NCOA3: variants seen among roughly 807,000 people sequenced by gnomAD.
The protein encoded by NCOA3 is nuclear receptor coactivator 3, also known as CBP-interacting protein.
Under a neutral mutation model 158.8 loss-of-function variants are expected in NCOA3, and 51 were observed. The ratio of observed to expected loss-of-function variants is 0.32; its 90% CI spans 0.26 to 0.41. The LOEUF is 0.41. NCOA3 is among the 10% of genes least tolerant of loss of function. The pLI is 1.00. For synonymous variants in NCOA3, 537 were observed against 592.4 expected, an observed-to-expected ratio of 0.91 and a Z score of 1.36; for missense variants, 1,510 against 1,746.6, an observed-to-expected ratio of 0.86 and a Z score of 2.41.
chr20:47,626,961 A>G (rs760577329), intron 5 of NCOA3, 41 bp from the exon 6 acceptor site: 9 of 1,525,810 alleles, frequency 5.9e-6, no homozygotes, highest in African/African-American at 5.5e-5. Flanking sequence ...GGAGGATACA[A>G]TTCAGTCCAT....
intron 1 of NCOA3, among the ~76,000 whole-genome samples, chr20:47,511,159 A>G (rs2084116917): frequency 6.6e-6 from 1 of 151,992 alleles, no homozygotes; most frequent in Non-Finnish European, 1.5e-5. Context: ...GATTGTAGAG[A>G]AGTTCAGAGG....
intron 1 of NCOA3, among the ~76,000 whole-genome samples, chr20:47,525,848 TGCCCCTCACTTCCCGGATGGGG>T (rs2146094101): frequency 4.4e-5 from 2 of 44,982 alleles, no homozygotes; most frequent in South Asian, 8.2e-4. Context: ...CGGGCAGAGG[TGCCCCTCACTTCCCGGATGGGG>T]CGGCTGGCCG....
chr20:47,563,507 T>TA (rs1339235092), intron 1 of NCOA3, among the ~76,000 whole-genome samples: 1 of 152,154 alleles, frequency 6.6e-6, no homozygotes, highest in Non-Finnish European at 1.5e-5. Context: ...GTACAGTAAT[T>TA]AAACCATGCC....
Position 47,653,992 on chromosome 20 carries a change from CATTTGCCATTCATGTCCTGTA to C in NCOA3, c.*578_*598del, listed in dbSNP as rs2086836579. On this transcript the variant is annotated 3_prime_UTR_variant, in exon 23 of 23. Coordinates refer to ENST00000371998, the MANE Select transcript of NCOA3 (RefSeq NM_181659.3). ...TAGGCTTTCTCCTAATGAAGGTTTT[CATTTGCCATTCATGTCCTGTA>C]ATACTTCACCTCCAGGAACTGTCAT... is the stretch of plus-strand genomic sequence containing the variant. 1 of 152,522 alleles carries C rather than the reference CATTTGCCATTCATGTCCTGTA, an allele frequency of 6.6e-6. No individual in the cohort carries two copies. Among genetic ancestry groups the C allele is most frequent in the Admixed American group, 6.5e-5 (1 of 15,286 alleles). The allele number at this position is 152,522 out of a possible 1,614,324, so 9.4% of individuals were successfully genotyped here.
chr20:47,647,936 G>T (rs1160289697), intron 18 of NCOA3, among the ~76,000 whole-genome samples: 3 of 143,460 alleles, frequency 2.1e-5, no homozygotes, highest in South Asian at 2.2e-4. Flanking sequence ...TTTTTTTGAG[G>T]TGGAGTCTTG....
chr20:47,618,142 C>T (rs1042793187), intron 2 of NCOA3, among the ~76,000 whole-genome samples: 4 of 152,138 alleles, frequency 2.6e-5, no homozygotes, highest in Non-Finnish European at 4.4e-5. Flanking sequence ...GAGGCTGAGA[C>T]GAGAATCATT....
At chr20:47,561,610 C>T (rs1302237125) in intron 1 of NCOA3, among the ~76,000 whole-genome samples, 3 of 151,978 alleles carry the variant, frequency 2.0e-5, no homozygotes, top group Admixed American at 6.6e-5. Context: ...TGAGCCACTG[C>T]ACCTCGCTTA....
At chr20:47,641,849 G>A (rs996280183) in intron 16 of NCOA3, among the ~76,000 whole-genome samples, 2 of 152,036 alleles carry the variant, frequency 1.3e-5, no homozygotes, top group African/African-American at 4.8e-5. Context: ...TAATTTTCAA[G>A]TATTATAATT....
intron 2 of NCOA3, among the ~76,000 whole-genome samples, chr20:47,611,018 T>C (rs2086033765): frequency 1.3e-5 from 2 of 152,234 alleles, no homozygotes; most frequent in Admixed American, 1.3e-4. Context: ...CATTGTTTAC[T>C]TAGTGTACCA....
intron 2 of NCOA3, among the ~76,000 whole-genome samples, chr20:47,588,891 C>CT (rs1293483931): frequency 2.0e-5 from 3 of 151,898 alleles, no homozygotes; most frequent in East Asian, 1.9e-4. Flanking sequence ...TAAAATACAA[C>CT]TTTTTTTTCT....
chr20:47,650,930 A>G (rs1264519441), intron 19 of NCOA3, 52 bp from the exon 20 acceptor site: 14 of 1,542,628 alleles, frequency 9.1e-6, no homozygotes, highest in East Asian at 2.3e-5. Context: ...TATGTATGCA[A>G]CTGGCAGGTT....
At chr20:47,601,184 G>A (rs1041437386) in intron 2 of NCOA3, among the ~76,000 whole-genome samples, 7 of 152,198 alleles carry the variant, frequency 4.6e-5, no homozygotes, top group African/African-American at 1.7e-4. Context: ...GGGGAAGCAG[G>A]CATGTGCAAA....
intron 1 of NCOA3, among the ~76,000 whole-genome samples, chr20:47,524,647 G>A (rs946271111): frequency 6.6e-6 from 1 of 152,190 alleles, no homozygotes; most frequent in African/African-American, 2.4e-5. Flanking sequence ...AAGCTCCCTG[G>A]TACAGAGACA....
chr20:47,643,468 A>G (rs1013202802), intron 17 of NCOA3, among the ~76,000 whole-genome samples: 3 of 152,240 alleles, frequency 2.0e-5, no homozygotes, highest in African/African-American at 7.2e-5. Flanking sequence ...CTCCAACAGA[A>G]GTATAGAAGT....
intron 14 of NCOA3, 93 bp downstream of exon 14, chr20:47,639,295 C>A: frequency 9.0e-7 from 1 of 1,115,000 alleles, no homozygotes; most frequent in South Asian, 1.6e-5. Flanking sequence ...TAAATAATAA[C>A]TTTTTGAATA....
chr20:47,609,723 C>T (rs556690345), intron 2 of NCOA3, among the ~76,000 whole-genome samples: 44 of 147,100 alleles, frequency 3.0e-4, no homozygotes, highest in East Asian at 2.0e-4. Flanking sequence ...GGCGAGACTC[C>T]GTCTCAAAAA....
chr20:47,623,817 T>TA, intron 3 of NCOA3, 94 bp from the exon 4 acceptor site: 1 of 1,143,134 alleles, frequency 8.7e-7, no homozygotes, highest in Non-Finnish European at 1.2e-6. Flanking sequence ...AGTAATCATG[T>TA]AATAGTGTTG....
In NCOA3 at chr20:47,651,144, C is replaced by T. The variant is rs757910421; in HGVS notation, c.3814C>T (p.Gln1272Ter). The T allele has an allele frequency of 1.9e-6, 3 of 1,613,922 alleles. No homozygotes were observed. The highest frequency in any genetic ancestry group is 2.5e-6 in the Non-Finnish European group (3 of 1,179,918). The change falls in exon 20 of 23, where the codon CAG becomes TAG. Residue 1272 changes from glutamine (Q) to a stop codon, truncating the protein, a stop_gained. Transcript: ENST00000371998. LOFTEE classifies it high-confidence loss of function. ...QQQQQQQQQQ[Q>*]QQQQTQAFSP... ...GCAACAGCAACAGCAACAGCAACAG[C>T]AGCAACAGCAGCAAACCCAGGCCTT...
intron 2 of NCOA3, among the ~76,000 whole-genome samples, chr20:47,598,344 A>G (rs922320305): frequency 1.4e-5 from 2 of 147,170 alleles, no homozygotes; most frequent in African/African-American, 5.0e-5. Context: ...TTTTTATTTT[A>G]TTTTATTTTG....
Sources: allele counts gnomAD v4.1 joint callset (sites outside exome capture counted in the v4.1 genomes callset), GRCh38; gene constraint gnomAD v4.1.1; transcripts MANE v1.5; gene names NCBI Gene and HGNC (gene_info 2026-07-23, HGNC 2026-07-21).